The following CNTN4 variants were observed in gnomAD, a reference collection of about 807,000 sequenced individuals.
CNTN4 encodes the protein contactin 4.
CNTN4 carries 77 observed loss-of-function variants against 122.5 expected under a neutral mutation model. The observed-to-expected ratio is 0.63, with a 90% CI of 0.52 to 0.76. The LOEUF (loss-of-function observed/expected upper bound fraction) is 0.76, where lower values mean the gene tolerates loss of function less well. Ranked by LOEUF, CNTN4 falls within the 30% of genes least tolerant of loss-of-function variation. The pLI is 0.00. For missense variants in CNTN4, 1,256 were observed against 1,259.1 expected (o/e 1.00, Z 0.04); for synonymous variants, 512 against 447.0 (o/e 1.15, Z -1.83).
intron 2 of CNTN4, among the ~76,000 whole-genome samples, chr3:2,258,340 A>C (rs905421713): frequency 1.3e-5 from 2 of 152,104 alleles, no homozygotes; most frequent in South Asian, 4.1e-4. Flanking sequence ...CTTGGAACCA[A>C]CCCAAATGCC....
At chr3:2,823,530 T>A (rs1264844837) in intron 7 of CNTN4, among the ~76,000 whole-genome samples, 1 of 152,204 alleles carries the variant, frequency 6.6e-6, no homozygotes, top group African/African-American at 2.4e-5. Context: ...TACCATTAAA[T>A]ATAAGAAAAC....
chr3:2,744,211 AAAG>A (rs1264137748), intron 5 of CNTN4, among the ~76,000 whole-genome samples: 2 of 152,252 alleles, frequency 1.3e-5, no homozygotes, highest in African/African-American at 4.8e-5. Context: ...GTCTTGACAA[AAAG>A]AAGGGATTAC....
At chr3:2,213,972 C>T (rs1473671486) in intron 2 of CNTN4, among the ~76,000 whole-genome samples, 2 of 152,230 alleles carry the variant, frequency 1.3e-5, no homozygotes, top group South Asian at 4.1e-4. Context: ...TGCTTGGAGG[C>T]TTATTTCGTA....
intron 13 of CNTN4, among the ~76,000 whole-genome samples, chr3:2,961,370 G>T (rs2094857464): frequency 6.6e-6 from 1 of 151,704 alleles, no homozygotes; most frequent in Non-Finnish European, 1.5e-5. Context: ...TTAAGCAACT[G>T]AGTTTGGGGG....
intron 14 of CNTN4, among the ~76,000 whole-genome samples, chr3:3,008,829 A>G (rs1314009748): frequency 6.6e-6 from 1 of 152,186 alleles, no homozygotes; most frequent in Non-Finnish European, 1.5e-5. Context: ...GCACCAACCT[A>G]ATATAATAGG....
chr3:3,047,407 T>C (rs998153578), intron 23 of CNTN4, among the ~76,000 whole-genome samples: 9 of 152,238 alleles, frequency 5.9e-5, no homozygotes, highest in East Asian at 1.9e-4. Context: ...TGTAAAAGAA[T>C]AGAAATTACA....
At chr3:3,024,531 C>A (rs2125624486) in intron 14 of CNTN4, among the ~76,000 whole-genome samples, 1 of 152,096 alleles carries the variant, frequency 6.6e-6, no homozygotes, top group South Asian at 2.1e-4. Flanking sequence ...TCTTTGCTGG[C>A]AGTACCTGTT....
intron 7 of CNTN4, among the ~76,000 whole-genome samples, chr3:2,822,550 A>C (rs2092899937): frequency 6.6e-6 from 1 of 152,220 alleles, no homozygotes; most frequent in South Asian, 2.1e-4. Flanking sequence ...TCAAAATAAA[A>C]ATGGAAGATT....
At chr3:2,588,717 C>G (rs2080323274) in intron 4 of CNTN4, among the ~76,000 whole-genome samples, 1 of 150,964 alleles carries the variant, frequency 6.6e-6, no homozygotes, top group African/African-American at 2.4e-5. Flanking sequence ...AAAATTATCT[C>G]CCATTCCAGT....
At chr3:2,341,624 C>G (rs2044213871) in intron 3 of CNTN4, among the ~76,000 whole-genome samples, 1 of 152,212 alleles carries the variant, frequency 6.6e-6, no homozygotes, top group Non-Finnish European at 1.5e-5. Context: ...CCCTGTGGTG[C>G]CACCCTGGCC....
At chr3:2,246,116 A>G (rs779056653) in intron 2 of CNTN4, among the ~76,000 whole-genome samples, 2 of 151,988 alleles carry the variant, frequency 1.3e-5, no homozygotes, top group Non-Finnish European at 2.9e-5. Context: ...TTTTAACCCT[A>G]CATTCTCTGA....
intron 4 of CNTN4, among the ~76,000 whole-genome samples, chr3:2,718,785 T>C (rs987598111): frequency 6.6e-6 from 1 of 152,226 alleles, no homozygotes; most frequent in Non-Finnish European, 1.5e-5. Context: ...ATAGTTAATA[T>C]TTTGTTGTGA....
intron 3 of CNTN4, among the ~76,000 whole-genome samples, chr3:2,379,272 T>G (rs747867554): frequency 6.6e-5 from 10 of 152,152 alleles, no homozygotes; most frequent in Non-Finnish European, 1.3e-4. Context: ...TTTCCTTTTT[T>G]TTTCTTCTGT....
At chr3:2,237,489 G>T (rs2039729577) in intron 2 of CNTN4, among the ~76,000 whole-genome samples, 2 of 151,902 alleles carry the variant, frequency 1.3e-5, no homozygotes, top group African/African-American at 4.8e-5. Context: ...AAAAACAAAA[G>T]GAAAAGCGAA....
intron 7 of CNTN4, among the ~76,000 whole-genome samples, chr3:2,837,583 C>T (rs1041258066): frequency 6.6e-5 from 10 of 152,188 alleles, no homozygotes; most frequent in Admixed American, 2.0e-4. Flanking sequence ...TAACCACCCC[C>T]GTTCCCAAAT....
intron 3 of CNTN4, among the ~76,000 whole-genome samples, chr3:2,419,246 G>A (rs1559535612): frequency 1.3e-5 from 2 of 152,102 alleles, no homozygotes; most frequent in Admixed American, 6.5e-5. Flanking sequence ...TGAAAAGCTC[G>A]AATGAATATA....
chr3:2,254,514 A>T (rs2040501318), intron 2 of CNTN4, among the ~76,000 whole-genome samples: 1 of 152,212 alleles, frequency 6.6e-6, no homozygotes, highest in South Asian at 2.1e-4. Flanking sequence ...CTAACAGTGT[A>T]AAAGCATTCC....
intron 13 of CNTN4, among the ~76,000 whole-genome samples, chr3:2,981,860 C>G (rs146745048): frequency 5.7e-4 from 86 of 152,208 alleles, no homozygotes; most frequent in African/African-American, 1.9e-3. Flanking sequence ...GCCTGGCCTA[C>G]ATGGTGAAAC....
chr3:2,151,851 T>C (rs933467614), intron 2 of CNTN4, among the ~76,000 whole-genome samples: 1 of 152,220 alleles, frequency 6.6e-6, no homozygotes, highest in Non-Finnish European at 1.5e-5. Context: ...CCTCACCAGA[T>C]GTGGCTTCTT....
Sources: gnomAD v4.1 joint callset for allele counts (sites outside exome capture counted in the v4.1 genomes callset) on GRCh38, gnomAD v4.1.1 for gene constraint, MANE v1.5 for transcripts, NCBI Gene and HGNC (gene_info 2026-07-23, HGNC 2026-07-21) for gene names.